DDX42: variants seen among roughly 807,000 people sequenced by gnomAD.
DDX42 encodes the protein ATP-dependent RNA helicase DDX42.
A neutral mutation model predicts 101.5 loss-of-function variants in DDX42; 22 were observed. That is an observed-to-expected ratio of 0.22 (90% confidence interval 0.15 to 0.31). DDX42 has a LOEUF of 0.31. Ranked by LOEUF, DDX42 falls within the 10% of genes least tolerant of loss-of-function variation. The pLI is 1.00. For missense variants in DDX42, 849 were observed against 1,199.9 expected, an observed-to-expected ratio of 0.71 and a Z score of 4.32; for synonymous variants, 402 against 401.2, an observed-to-expected ratio of 1.00 and a Z score of -0.02.
chr17:63,806,528 T>C lies in DDX42; in HGVS notation c.727-7T>C. On this transcript the variant is annotated splice_polypyrimidine_tract_variant and splice_region_variant and intron_variant, in intron 7 of 17. Coordinates refer to ENST00000389924, the MANE Select transcript of DDX42 (RefSeq NM_203499.3). ...AAGTCATTCTGGGGAGTTGTCTCTA[T>C]CTCTAGGTCTCTGGTGCTGCACCTC... The C allele has an allele frequency of 6.2e-7, 1 of 1,608,096 alleles. No individual in the cohort carries two copies.
intron 3 of DDX42, among the ~76,000 whole-genome samples, chr17:63,797,299 C>A (rs939728710): frequency 2.1e-5 from 3 of 143,774 alleles, no homozygotes; most frequent in Admixed American, 1.5e-4. Context: ...TTGTGGTGAG[C>A]CAAGATGGTG....
chr17:63,795,695 A>G (rs2039684857), intron 3 of DDX42, among the ~76,000 whole-genome samples: 1 of 152,210 alleles, frequency 6.6e-6, no homozygotes. Context: ...ATCAGATATC[A>G]GAAAACAAAA....
At chr17:63,813,086 A>T in intron 14 of DDX42, 142 bp from the exon 15 acceptor site, 1 of 685,558 alleles carries the variant, frequency 1.5e-6, no homozygotes, top group South Asian at 2.0e-5. Flanking sequence ...TGGTGACTTA[A>T]CATGCCTGTA....
At chr17:63,796,631 A>G (rs1460261706) in intron 3 of DDX42, among the ~76,000 whole-genome samples, 1 of 152,208 alleles carries the variant, frequency 6.6e-6, no homozygotes, top group African/African-American at 2.4e-5. Context: ...GTCAAATTTT[A>G]TAGAAAGTAT....
In DDX42 at chr17:63,780,616, C is replaced by T. The variant is rs761973566; in HGVS notation, c.-17+6240C>T. On this transcript the variant is annotated intron_variant, in intron 1 of 17. Transcript: ENST00000389924. ...ATAGAAAGCACAGTTCCTTGGCCTT[C>T]CTAGAGTCAGTAATTGAGGGACAAT... Among the ~76,000 whole-genome samples, 4 of 152,154 alleles carry T rather than the reference C, an allele frequency of 2.6e-5. No homozygotes were observed. The South Asian group carries it at 6.2e-4, about 24-fold the overall frequency.
upstream of DDX42, chr17:63,773,810 G>T (rs376390248): frequency 6.5e-6 from 1 of 152,728 alleles, no homozygotes; most frequent in African/African-American, 2.4e-5. Flanking sequence ...ACACGGAACC[G>T]GTGCTCCGGA....
intron 4 of DDX42, among the ~76,000 whole-genome samples, chr17:63,799,076 C>T (rs1052138003): frequency 1.3e-5 from 2 of 152,182 alleles, no homozygotes; most frequent in Admixed American, 1.3e-4. Context: ...GTTTTATTCC[C>T]AAACTCATAA....
chr17:63,785,906 A>G (rs1040789613), intron 1 of DDX42, among the ~76,000 whole-genome samples: 1 of 152,236 alleles, frequency 6.6e-6, no homozygotes, highest in Non-Finnish European at 1.5e-5. Flanking sequence ...TGTCATTACC[A>G]GAGGATAACC....
At chr17:63,811,548 G>A (rs913000424) in intron 13 of DDX42, 6 of 373,066 alleles carry the variant, frequency 1.6e-5, no homozygotes, top group African/African-American at 1.2e-4. Flanking sequence ...ACGCAGGAGG[G>A]AAAGGGTGAC....
intron 3 of DDX42, among the ~76,000 whole-genome samples, chr17:63,797,123 C>T (rs190627511): frequency 2.3e-3 from 347 of 152,010 alleles, no homozygotes; most frequent in African/African-American, 7.8e-3. Context: ...AGGCCGGGCG[C>T]GGTGGATCAC....
Position 63,817,887 on chromosome 17 carries a change from C to G in DDX42, c.2306C>G (p.Thr769Ser). The G allele has an allele frequency of 6.2e-7, 1 of 1,614,242 alleles. No homozygotes were observed. The highest frequency in any genetic ancestry group is 2.2e-5 in the East Asian group (1 of 44,880). Residue 769 changes from threonine to serine, a missense_variant, in exon 18 of 18, where the codon ACT (threonine) becomes AGT (serine). Physicochemically the swap from Thr to Ser is moderately conservative, Grantham distance 58. Coordinates refer to ENST00000389924, the MANE Select transcript of DDX42 (RefSeq NM_203499.3). ...AAKGIPGFGN[T>S]GNISGAPVTY... ...AAGGGCATCCCAGGCTTTGGCAATACTGGCAACATCAGTGGTGCCCCTGTG... is the reference window on the plus strand; with the variant it reads ...AAGGGCATCCCAGGCTTTGGCAATAGTGGCAACATCAGTGGTGCCCCTGTG...
intron 11 of DDX42, 119 bp from the exon 12 acceptor site, chr17:63,810,394 G>T: frequency 9.9e-7 from 1 of 1,012,812 alleles, no homozygotes; most frequent in Middle Eastern, 2.2e-4. Context: ...CCTGGCCTGG[G>T]GTTTCTAATT....
intron 3 of DDX42, among the ~76,000 whole-genome samples, chr17:63,793,222 C>T (rs1352822774): frequency 1.3e-5 from 2 of 152,010 alleles, no homozygotes; most frequent in South Asian, 2.1e-4. Flanking sequence ...TCCAATCTCT[C>T]CCACCTCTGA....
rs1194850986 is a variant in DDX42 at position 63,792,556 on chromosome 17, A to G, written c.366A>G (p.Glu122=). 3.1e-6 allele frequency: 5 copies of G among 1,609,394 alleles called. No homozygotes were observed. The highest frequency in any genetic ancestry group is 2.2e-5 in the East Asian group (1 of 44,730). Residue 122 remains glutamate, a synonymous_variant, in exon 3 of 18, where the codon GAA becomes GAG. Coordinates refer to ENST00000389924, the MANE Select transcript of DDX42 (RefSeq NM_203499.3). ...DDDPLEAFMA[E]VEDQAARDMK... The stretch of plus-strand genomic sequence containing the variant: ...ATCCCTTGGAGGCATTCATGGCTGA[A>G]GTGGAGGCAAGTATCAACATGTTTC...
chr17:63,775,076 C>A, intron 1 of DDX42: 1 of 152,570 alleles, frequency 6.6e-6, no homozygotes, highest in East Asian at 1.9e-4. Flanking sequence ...AATGATGTTT[C>A]TATGTCTGTC....
intron 6 of DDX42, 58 bp from the exon 7 acceptor site, chr17:63,805,013 C>A (rs761094070): frequency 1.3e-6 from 2 of 1,542,312 alleles, no homozygotes; most frequent in South Asian, 1.2e-5. Context: ...GCAATAAAAT[C>A]AAACTTACAG....
intron 7 of DDX42, 180 bp downstream of exon 7, chr17:63,805,355 T>A (rs2039826085): frequency 1.4e-6 from 1 of 722,590 alleles, no homozygotes; most frequent in Non-Finnish European, 2.1e-6. Flanking sequence ...TTTAGTCTTC[T>A]AGATGCTGTT....
chr17:63,778,140 G>A (rs544632017), intron 1 of DDX42, among the ~76,000 whole-genome samples: 12 of 152,282 alleles, frequency 7.9e-5, no homozygotes, highest in African/African-American at 2.9e-4. Context: ...TGGTTCCACG[G>A]TATTAACACA....
intron 14 of DDX42, 35 bp downstream of exon 14, chr17:63,812,243 T>C: frequency 6.3e-7 from 1 of 1,596,106 alleles, no homozygotes; most frequent in South Asian, 1.1e-5. Context: ...ATTAAGTTCC[T>C]AGGCTATAAG....
Sources: gnomAD v4.1 joint callset for allele counts (sites outside exome capture counted in the v4.1 genomes callset) on GRCh38, gnomAD v4.1.1 for gene constraint, MANE v1.5 for transcripts, NCBI Gene and HGNC (gene_info 2026-07-23, HGNC 2026-07-21) for gene names.